The following TENM3 variants were observed in gnomAD, a reference collection of about 807,000 sequenced individuals.
The protein encoded by TENM3 is teneurin transmembrane protein 3.
A neutral mutation model predicts 255.1 loss-of-function variants in TENM3; 63 were observed. That is an observed-to-expected ratio of 0.25 (90% CI 0.20 to 0.30). The LOEUF is 0.30. Among genes scored for constraint, TENM3 ranks in the 10% least tolerant of loss-of-function variants. The probability of loss-of-function intolerance (pLI) is 1.00; values close to 1 mark genes in which losing one functional copy is unlikely to be tolerated. For missense variants in TENM3, 2,929 were observed against 3,461.1 expected, an observed-to-expected ratio of 0.85 and a Z score of 3.86; for synonymous variants, 1,306 against 1,322.3, an observed-to-expected ratio of 0.99 and a Z score of 0.27.
At chr4:181,947,962 T>C in the TENM3 span, among the ~76,000 whole-genome samples, 5 of 152,074 alleles carry the variant, frequency 3.3e-5, no homozygotes, top group Non-Finnish European at 7.4e-5. Context: ...TATATCACAC[T>C]TTTTCCATGA....
intron 1 of TENM3, among the ~76,000 whole-genome samples, chr4:182,255,180 G>C (rs1561248513): frequency 1.3e-5 from 2 of 152,116 alleles, no homozygotes; most frequent in African/African-American, 4.8e-5. Context: ...GGACCCTGTT[G>C]CCTTTCCCCT....
At chr4:182,508,155 A>G (rs1041773334) in intron 3 of TENM3, among the ~76,000 whole-genome samples, 1 of 152,236 alleles carries the variant, frequency 6.6e-6, no homozygotes, top group African/African-American at 2.4e-5. Flanking sequence ...AGGATGAGAC[A>G]TACCACATGT....
At chr4:182,609,678 A>G (rs12501338) in intron 4 of TENM3, among the ~76,000 whole-genome samples, 31,179 of 152,156 alleles carry the variant, frequency 0.2, 3,714 homozygotes, top group Non-Finnish European at 0.27. Context: ...TGGTGTGTGG[A>G]AAGAAGCATT....
chr4:182,635,085 CAG>C (rs1751735442), intron 5 of TENM3, among the ~76,000 whole-genome samples: 1 of 152,178 alleles, frequency 6.6e-6, no homozygotes, highest in Non-Finnish European at 1.5e-5. Flanking sequence ...TAGGCAGAGT[CAG>C]AGAATTTCTC....
At chr4:182,345,691 A>G (rs895138092) in intron 2 of TENM3, among the ~76,000 whole-genome samples, 1 of 152,242 alleles carries the variant, frequency 6.6e-6, no homozygotes, top group Non-Finnish European at 1.5e-5. Flanking sequence ...GAATAAATAC[A>G]GGATTGGAAA....
intron 4 of TENM3, among the ~76,000 whole-genome samples, chr4:182,607,387 G>A (rs773478045): frequency 6.6e-6 from 1 of 152,144 alleles, no homozygotes; most frequent in African/African-American, 2.4e-5. Flanking sequence ...TTAACAAAAA[G>A]TAGGTGGATT....
chr4:181,564,519 A>G, the TENM3 span, among the ~76,000 whole-genome samples: 1 of 152,092 alleles, frequency 6.6e-6, no homozygotes, highest in African/African-American at 2.4e-5. Flanking sequence ...TGTCCAGTGC[A>G]CTCAACTCTA....
chr4:182,693,660 TA>T (rs1449787756), intron 12 of TENM3, among the ~76,000 whole-genome samples: 2 of 152,222 alleles, frequency 1.3e-5, no homozygotes, highest in Non-Finnish European at 2.9e-5. Flanking sequence ...ATGGCTATAA[TA>T]GTACATATAT....
At chr4:182,213,865 G>T (rs184860571) in intron 1 of TENM3, among the ~76,000 whole-genome samples, 1 of 151,954 alleles carries the variant, frequency 6.6e-6, no homozygotes, top group Non-Finnish European at 1.5e-5. Context: ...GCAGTGGCGC[G>T]ATCTCGGCTC....
chr4:181,533,362 T>C, the TENM3 span, among the ~76,000 whole-genome samples: 11 of 152,192 alleles, frequency 7.2e-5, no homozygotes, highest in Non-Finnish European at 1.5e-4. Flanking sequence ...CACTCATTCA[T>C]GCACAAATGC....
the TENM3 span, among the ~76,000 whole-genome samples, chr4:181,577,074 ATAAT>A: frequency 0.19 from 23,349 of 122,186 alleles, 2,435 homozygotes; most frequent in Non-Finnish European, 0.24. Flanking sequence ...TTATATATAA[ATAAT>A]ATATAATATA....
intron 12 of TENM3, among the ~76,000 whole-genome samples, chr4:182,688,739 A>G (rs1337454190): frequency 1.3e-5 from 2 of 152,220 alleles, no homozygotes; most frequent in African/African-American, 4.8e-5. Flanking sequence ...TTTCAAATAT[A>G]TGCCCTTGTT....
chr4:182,176,594 C>T (rs373068689), intron 1 of TENM3, among the ~76,000 whole-genome samples: 25 of 152,226 alleles, frequency 1.6e-4, no homozygotes, highest in Middle Eastern at 3.4e-3. Flanking sequence ...AAAACAGTCA[C>T]CAACATTTAC....
the TENM3 span, among the ~76,000 whole-genome samples, chr4:181,622,835 T>G: frequency 1.3e-5 from 2 of 152,192 alleles, no homozygotes; most frequent in African/African-American, 4.8e-5. Flanking sequence ...TTTCCAATTT[T>G]TATTGAATGC....
rs1024131690 is a variant in TENM3, at chr4:182,416,265, G to A, written c.511+69336G>A. On this transcript the variant is annotated intron_variant, in intron 3 of 27. Transcript: ENST00000511685. Reference sequence around the variant, plus strand: ...TTGAGTTGAGGTATGGTTAAGCTTAGTGATATAAAACCTTCTGAGACATCT... The same window carrying A: ...TTGAGTTGAGGTATGGTTAAGCTTAATGATATAAAACCTTCTGAGACATCT... 3.9e-5 allele frequency among the ~76,000 whole-genome samples: 6 copies of A among 152,098 alleles called. No homozygotes were observed. In the East Asian group the frequency reaches 1.2e-3, roughly 29 times the overall value.
chr4:181,659,528 A>G, the TENM3 span, among the ~76,000 whole-genome samples: 1 of 152,148 alleles, frequency 6.6e-6, no homozygotes, highest in South Asian at 2.1e-4. Flanking sequence ...CTGATGACCA[A>G]TTTTCTCAGT....
chr4:182,787,012 T>C (rs1340713374), intron 24 of TENM3, among the ~76,000 whole-genome samples: 2 of 152,104 alleles, frequency 1.3e-5, no homozygotes, highest in Non-Finnish European at 2.9e-5. Flanking sequence ...CTGCCATTTA[T>C]CACTTTGATA....
chr4:181,797,864 C>T, the TENM3 span, among the ~76,000 whole-genome samples: 10 of 152,040 alleles, frequency 6.6e-5, no homozygotes, highest in Admixed American at 2.6e-4. Flanking sequence ...ACCTATGAGG[C>T]GATAACCCTA....
intron 3 of TENM3, among the ~76,000 whole-genome samples, chr4:182,566,644 T>C (rs996000322): frequency 6.6e-6 from 1 of 152,216 alleles, no homozygotes; most frequent in Non-Finnish European, 1.5e-5. Flanking sequence ...CCATGAGCTC[T>C]TGTATGTGGC....
Sources: gnomAD v4.1 joint callset for allele counts (sites outside exome capture counted in the v4.1 genomes callset) on GRCh38, gnomAD v4.1.1 for gene constraint, MANE v1.5 for transcripts, NCBI Gene and HGNC (gene_info 2026-07-23, HGNC 2026-07-21) for gene names.